Variants in DAB1 observed in about 807,000 individuals in gnomAD.
DAB1 encodes disabled homolog 1.
A neutral mutation model predicts 64.6 loss-of-function variants in DAB1; 15 were observed. The ratio of observed to expected loss-of-function variants is 0.23; its 90% CI spans 0.16 to 0.36. DAB1 has a LOEUF of 0.36. Ranked by LOEUF, DAB1 falls within the 10% of genes least tolerant of loss-of-function variation. The probability of loss-of-function intolerance (pLI) is 1.00; values close to 1 mark genes in which losing one functional copy is unlikely to be tolerated. For synonymous variants in DAB1, 235 were observed against 251.9 expected (o/e 0.93, Z 0.64); for missense variants, 596 against 706.7 (o/e 0.84, Z 1.78).
At chr1:57,238,893 A>ACC (rs71051225) in intron 2 of DAB1, among the ~76,000 whole-genome samples, 13 of 148,004 alleles carry the variant, frequency 8.8e-5, no homozygotes, top group East Asian at 2.0e-4. Context: ...ACACACACAC[A>ACC]CCCCTAACTT....
chr1:57,531,800 G>A (rs1472170091), intron 7 of DAB1, among the ~76,000 whole-genome samples: 1 of 152,092 alleles, frequency 6.6e-6, no homozygotes. Flanking sequence ...TATTTCTGTG[G>A]TATAAATAAT....
chr1:57,907,408 C>T (rs1644569672), intron 5 of DAB1, among the ~76,000 whole-genome samples: 1 of 152,226 alleles, frequency 6.6e-6, no homozygotes, highest in Non-Finnish European at 1.5e-5. Context: ...TGTAAAGATG[C>T]TCCAAGGTCT....
At chr1:58,371,017 C>A (rs1329100929) in intron 3 of DAB1, among the ~76,000 whole-genome samples, 1 of 152,094 alleles carries the variant, frequency 6.6e-6, no homozygotes, top group Non-Finnish European at 1.5e-5. Context: ...CTATAACATA[C>A]CTGAGAAAGT....
chr1:58,308,687 G>C (rs1196084023), intron 4 of DAB1, among the ~76,000 whole-genome samples: 7 of 152,156 alleles, frequency 4.6e-5, no homozygotes, highest in African/African-American at 1.7e-4. Flanking sequence ...ATTACTCCTT[G>C]CTGGATTCAG....
chr1:58,484,164 A>G (rs1193893743), intron 3 of DAB1, among the ~76,000 whole-genome samples: 3 of 152,224 alleles, frequency 2.0e-5, no homozygotes, highest in African/African-American at 7.2e-5. Context: ...CAGAATAGTC[A>G]TGGTCCCTGC....
intron 6 of DAB1, among the ~76,000 whole-genome samples, chr1:57,693,714 C>T (rs1446614009): frequency 3.3e-5 from 5 of 152,266 alleles, no homozygotes; most frequent in East Asian, 1.9e-4. Flanking sequence ...CAAAGGTCTG[C>T]GGCTTCATTC....
chr1:57,533,242 C>A (rs1340463875), intron 7 of DAB1, among the ~76,000 whole-genome samples: 2 of 152,042 alleles, frequency 1.3e-5, no homozygotes, highest in East Asian at 3.9e-4. Context: ...ATTTTCCTCA[C>A]CATATTTCAG....
intron 7 of DAB1, among the ~76,000 whole-genome samples, chr1:57,471,695 T>C (rs543827473): frequency 6.6e-6 from 1 of 152,340 alleles, no homozygotes; most frequent in East Asian, 1.9e-4. Context: ...TCTGCCATAA[T>C]TGTGAGGCCT....
chr1:57,129,838 C>T (rs1253253185), intron 4 of DAB1, among the ~76,000 whole-genome samples: 2 of 151,994 alleles, frequency 1.3e-5, no homozygotes, highest in African/African-American at 2.4e-5. Context: ...TCTTGGGCTC[C>T]AATATCAGGG....
intron 7 of DAB1, among the ~76,000 whole-genome samples, chr1:57,644,519 G>GATGATGTA (rs1198033246): frequency 1.3e-5 from 2 of 151,992 alleles, no homozygotes; most frequent in African/African-American, 4.8e-5. Flanking sequence ...AGCACTTGTA[G>GATGATGTA]ATGATGTATA....
intron 3 of DAB1, among the ~76,000 whole-genome samples, chr1:58,466,672 T>C (rs1645299835): frequency 6.6e-6 from 1 of 152,206 alleles, no homozygotes; most frequent in African/African-American, 2.4e-5. Flanking sequence ...AACACCCTCC[T>C]GTCTTCCCTC....
intron 5 of DAB1, among the ~76,000 whole-genome samples, chr1:58,136,219 C>T (rs1245758708): frequency 3.3e-5 from 5 of 152,156 alleles, no homozygotes; most frequent in Non-Finnish European, 5.9e-5. Context: ...AAATAAGCAG[C>T]TAGTTGTGTG....
In DAB1 at chr1:58,048,466, G is replaced by T. The variant is rs574172486; in HGVS notation, n.387+102045C>A. 12 of 1,214,276 alleles carry T rather than the reference G, an allele frequency of 9.9e-6. No individual in the cohort carries two copies. The East Asian group carries it at 2.6e-4, about 26-fold the overall frequency. The allele number at this position is 1,214,276 out of a possible 1,614,324, so 75.2% of individuals were successfully genotyped here. On this transcript the variant is annotated intron_variant and non_coding_transcript_variant, in intron 5 of 20. Transcript: ENST00000485760. ...CACTCCCGCCATAGCCACTGCCCTG[G>T]TTTCCATAACCCTGTCCACCACTTC...
intron 2 of DAB1, among the ~76,000 whole-genome samples, chr1:57,148,922 G>T (rs1318176450): frequency 2.0e-5 from 3 of 152,082 alleles, no homozygotes; most frequent in Admixed American, 1.3e-4. Context: ...TCACAGAATT[G>T]TATAACCATC....
intron 5 of DAB1, among the ~76,000 whole-genome samples, chr1:57,971,090 GAAAC>G (rs750122788): frequency 2.0e-5 from 3 of 152,168 alleles, no homozygotes; most frequent in Non-Finnish European, 2.9e-5. Context: ...TTACAGATGA[GAAAC>G]AAAACCAAGG....
At position 57,161,203 on chromosome 1, in the gene DAB1, T is replaced by C. The variant is rs1466800881; in HGVS notation, c.68-15774A>G. Among the ~76,000 whole-genome samples, 3 of 152,000 alleles carry C rather than the reference T, an allele frequency of 2.0e-5. No homozygotes were observed. In the East Asian group the frequency reaches 5.8e-4, roughly 29 times the overall value. ...TGATATGGAGAGACAAGCCAGAAAG[T>C]TCGTGCAATAATCCAAGAATGACAG... On this transcript the variant is annotated intron_variant, in intron 2 of 14. Transcript: ENST00000371236.
At chr1:57,926,565 C>G in intron 5 of DAB1, among the ~76,000 whole-genome samples, 1 of 152,200 alleles carries the variant, frequency 6.6e-6, no homozygotes, top group Non-Finnish European at 1.5e-5. Context: ...ATCTCTCTCT[C>G]TCAATCTCCT....
chr1:57,226,672 A>AAAAATAT lies in DAB1; in HGVS notation c.67+64291_67+64292insATATTTT, dbSNP rs747021990. On this transcript the variant is annotated intron_variant, in intron 2 of 14. Coordinates refer to ENST00000371236, the MANE Select transcript of DAB1 (RefSeq NM_001365792.1). Reference sequence around the variant, plus strand: ...GTCACTCAAAAGTGGTTAAAAAAAAAATATATATATATATATATATATATA... The same window carrying AAAAATAT: ...GTCACTCAAAAGTGGTTAAAAAAAAAAAAATATATATATATATATATATATATATATA... Among the ~76,000 whole-genome samples, 126 of 135,996 alleles carry AAAAATAT rather than the reference A, an allele frequency of 9.3e-4. 1 individual carries two copies. The highest frequency in any genetic ancestry group is 3.7e-3 in the African/African-American group (120 of 32,402). The allele number at this position is 135,996 out of a possible 152,430, so 89.2% of individuals were successfully genotyped here. A position where few individuals can be genotyped will look rare whatever the true frequency, so the allele number is the denominator to read the frequency against.
At chr1:57,281,535 T>C (rs980291884) in intron 2 of DAB1, among the ~76,000 whole-genome samples, 2 of 152,130 alleles carry the variant, frequency 1.3e-5, no homozygotes, top group Non-Finnish European at 2.9e-5. Flanking sequence ...TGGTGAGGAA[T>C]GCGCCTGGAC....
Sources: allele counts gnomAD v4.1 joint callset (sites outside exome capture counted in the v4.1 genomes callset), GRCh38; gene constraint gnomAD v4.1.1; transcripts MANE v1.5; gene names NCBI Gene and HGNC (gene_info 2026-07-23, HGNC 2026-07-21).